The following PLD1 variants were observed in gnomAD, a reference collection of about 807,000 sequenced individuals.
The protein encoded by PLD1 is choline phosphatase 1.
Under a neutral mutation model 137.1 loss-of-function variants are expected in PLD1, and 112 were observed. That is an observed-to-expected ratio of 0.82 (90% CI 0.70 to 0.96). The LOEUF (loss-of-function observed/expected upper bound fraction) is 0.96, where lower values mean the gene tolerates loss of function less well. Among genes scored for constraint, PLD1 ranks in the 40% least tolerant of loss-of-function variants. PLD1 has a pLI of 0.00. For synonymous variants in PLD1, 431 were observed against 454.7 expected (o/e 0.95, Z 0.66); for missense variants, 1,321 against 1,342.0 (o/e 0.98, Z 0.24).
At position 171,612,996 on chromosome 3, in the gene PLD1, G is replaced by T. The variant is rs1336779518; in HGVS notation, c.2729-564C>A. On this transcript the variant is annotated intron_variant, in intron 24 of 26. Coordinates refer to ENST00000351298, the MANE Select transcript of PLD1 (RefSeq NM_002662.5). The surrounding 1 kb of genome is among the most constrained non-coding windows in gnomAD (Gnocchi z 4.1). ...CAGCCTGGACAACATAGCGAGACCT[G>T]GTCTCTACAAAAAGTTTTTAAAAAT... Among the ~76,000 whole-genome samples the T allele has an allele frequency of 6.6e-6, 1 of 152,038 alleles. No homozygotes were observed. The highest frequency in any genetic ancestry group is 1.9e-4 in the East Asian group (1 of 5,158).
chr3:171,709,440 C>A, intron 10 of PLD1, 120 bp downstream of exon 10: 1 of 703,626 alleles, frequency 1.4e-6, no homozygotes, highest in Non-Finnish European at 2.3e-6. Flanking sequence ...AAAGAGAAGC[C>A]CTTGTTAAGT....
chr3:171,606,246 T>C (rs1560137928), intron 25 of PLD1, among the ~76,000 whole-genome samples: 1 of 152,146 alleles, frequency 6.6e-6, no homozygotes, highest in Non-Finnish European at 1.5e-5. Flanking sequence ...TGTACAGCTG[T>C]AGTCGCCTTT....
At chr3:171,725,103 G>A (rs1037822583) in intron 7 of PLD1, among the ~76,000 whole-genome samples, 1 of 152,136 alleles carries the variant, frequency 6.6e-6, no homozygotes, top group African/African-American at 2.4e-5. Flanking sequence ...CGTCATTAAT[G>A]GGTGCAGCAC....
chr3:171,735,739 G>T (rs1719311072), intron 3 of PLD1, 102 bp from the exon 4 acceptor site: 1 of 650,414 alleles, frequency 1.5e-6, no homozygotes, highest in East Asian at 2.7e-5. Flanking sequence ...GTATACTTAA[G>T]TCCAGCCTAC....
At chr3:171,619,517 T>A in intron 24 of PLD1, among the ~76,000 whole-genome samples, 1 of 152,300 alleles carries the variant, frequency 6.6e-6, no homozygotes, top group South Asian at 2.1e-4. Flanking sequence ...TCCCACTTCA[T>A]CCATACACAT....
At chr3:171,659,076 A>G in intron 21 of PLD1, 137 bp downstream of exon 21, 1 of 666,960 alleles carries the variant, frequency 1.5e-6, no homozygotes, top group Non-Finnish European at 2.7e-6. Flanking sequence ...GACTAAAGGC[A>G]TCAATAACCT....
chr3:171,687,673 T>C, intron 14 of PLD1, 89 bp from the exon 15 acceptor site: 1 of 796,472 alleles, frequency 1.3e-6, no homozygotes, highest in Non-Finnish European at 2.0e-6. Flanking sequence ...AGTATAAAGT[T>C]TACAAATGAT....
intron 24 of PLD1, among the ~76,000 whole-genome samples, chr3:171,615,394 T>C (rs1733017848): frequency 6.6e-6 from 1 of 152,202 alleles, no homozygotes; most frequent in African/African-American, 2.4e-5. Context: ...AAAGGCTATA[T>C]GAAAATATGT....
chr3:171,753,110 C>T (rs758492164), intron 1 of PLD1, among the ~76,000 whole-genome samples: 2 of 152,224 alleles, frequency 1.3e-5, no homozygotes, highest in Admixed American at 6.5e-5. Flanking sequence ...GTAAGAAAGA[C>T]AACCAGATGG....
At chr3:171,639,848 C>CTCTCTCTATATATATATA (rs3050415) in intron 23 of PLD1, among the ~76,000 whole-genome samples, 4 of 110,212 alleles carry the variant, frequency 3.6e-5, no homozygotes, top group African/African-American at 1.6e-4. Context: ...CTCTCTCTCT[C>CTCTCTCTATATATATATA]TATATATATA....
Position 171,603,208 on chromosome 3 carries a change from C to T in PLD1, c.3095G>A (p.Arg1032Gln), listed in dbSNP as rs182960718. 25 of 1,613,976 alleles carry T rather than the reference C, an allele frequency of 1.5e-5. No individual in the cohort carries two copies. Among genetic ancestry groups the T allele is most frequent in the African/African-American group, 8.0e-5 (6 of 75,034 alleles). The change falls in exon 27 of 27, where the codon CGA becomes CAA. Residue 1032 changes from arginine to glutamine, a missense_variant. Transcript: ENST00000351298. Reference sequence around the variant, plus strand: ...GATCTTCTTCAGTTCCTCCTCAGCTCGAATGGGATCTTCCTTAGCTAATAC... The same window carrying T: ...GATCTTCTTCAGTTCCTCCTCAGCTTGAATGGGATCTTCCTTAGCTAATAC... ...KPVLAKEDPI[R>Q]AEEELKKIRG...
At chr3:171,711,817 T>TAAAAAAAAAAAAAAAAAAAAAA (rs36106956) in intron 9 of PLD1, among the ~76,000 whole-genome samples, 1 of 99,206 alleles carries the variant, frequency 1.0e-5, no homozygotes, top group African/African-American at 4.0e-5. Context: ...TTATAAATGC[T>TAAAAAAAAAAAAAAAAAAAAAA]AAAAAAAAAA....
At chr3:171,792,806 C>A (rs1346965784) in intron 1 of PLD1, 2 of 432,820 alleles carry the variant, frequency 4.6e-6, no homozygotes, top group Non-Finnish European at 4.7e-6. Flanking sequence ...CAAGTCCTGG[C>A]ATGTGACTCC....
intron 1 of PLD1, among the ~76,000 whole-genome samples, chr3:171,757,368 G>A (rs1267565885): frequency 6.6e-6 from 1 of 152,130 alleles, no homozygotes; most frequent in African/African-American, 2.4e-5. Context: ...AAAGAAAAGA[G>A]AAATTCTGGG....
rs1431283776 is a variant in PLD1, at chr3:171,601,947, A to G, written c.*1131T>C. On this transcript the variant is annotated 3_prime_UTR_variant, in exon 27 of 27. Transcript: ENST00000351298. ...AAGCCCTGGTGAGAGGCGTTAATACATATTTAATAATGTAAGTGAAGTAGC... is the reference window on the plus strand; with the variant it reads ...AAGCCCTGGTGAGAGGCGTTAATACGTATTTAATAATGTAAGTGAAGTAGC... 6.6e-6 allele frequency: 1 copy of G among 152,244 alleles called. No individual in the cohort carries two copies. Among genetic ancestry groups the G allele is most frequent in the Non-Finnish European group, 1.5e-5 (1 of 68,050 alleles). The allele number at this position is 152,244 out of a possible 1,614,324, so 9.4% of individuals were successfully genotyped here. A position where few individuals can be genotyped will look rare whatever the true frequency, so the allele number is the denominator to read the frequency against.
intron 8 of PLD1, among the ~76,000 whole-genome samples, chr3:171,723,974 T>C (rs4894747): frequency 0.36 from 54,816 of 152,002 alleles, 10,989 homozygotes; most frequent in African/African-American, 0.52. Context: ...GATTTATTCC[T>C]TTTATGGCTG....
chr3:171,808,307 C>A (rs1013068864), intron 1 of PLD1, among the ~76,000 whole-genome samples: 1 of 151,860 alleles, frequency 6.6e-6, no homozygotes, highest in African/African-American at 2.4e-5. Flanking sequence ...GAGGCCGAGG[C>A]GGGCGGATCA....
chr3:171,720,211 T>A (rs1717991220), intron 8 of PLD1, among the ~76,000 whole-genome samples: 1 of 148,056 alleles, frequency 6.8e-6, no homozygotes, highest in African/African-American at 2.5e-5. Context: ...GGAGGATCGC[T>A]TGAGCTCAGG....
At chr3:171,686,541 A>G in intron 16 of PLD1, 144 bp downstream of exon 16, 2 of 594,114 alleles carry the variant, frequency 3.4e-6, no homozygotes, top group Non-Finnish European at 6.1e-6. Context: ...AATGCTTTGC[A>G]CAGAGCAGGC....
Sources: allele counts gnomAD v4.1 joint callset (sites outside exome capture counted in the v4.1 genomes callset), GRCh38; gene constraint gnomAD v4.1.1; non-coding constraint Gnocchi (gnomAD v3.1); transcripts MANE v1.5; gene names NCBI Gene and HGNC (gene_info 2026-07-23, HGNC 2026-07-21).